The following PITPNC1 variants were observed in gnomAD, a reference collection of about 807,000 sequenced individuals.
PITPNC1 encodes cytoplasmic phosphatidylinositol transfer protein 1.
Under a neutral mutation model 44.7 loss-of-function variants are expected in PITPNC1, and 18 were observed. The observed-to-expected ratio is 0.40, with a 90% CI of 0.28 to 0.60. The LOEUF (loss-of-function observed/expected upper bound fraction) is 0.60. Among genes scored for constraint, PITPNC1 ranks in the 20% least tolerant of loss-of-function variants. The probability of loss-of-function intolerance (pLI) is 0.39; values close to 1 mark genes in which losing one functional copy is unlikely to be tolerated. For missense variants in PITPNC1, 290 were observed against 418.4 expected (o/e 0.69, Z 2.68); for synonymous variants, 141 against 149.6 (o/e 0.94, Z 0.42).
At chr17:67,555,367 C>T (rs949091522) in intron 4 of PITPNC1, among the ~76,000 whole-genome samples, 26 of 152,268 alleles carry the variant, frequency 1.7e-4, no homozygotes, top group African/African-American at 5.3e-4. Context: ...TTAGCATGGT[C>T]ATATATGCCC....
chr17:67,631,774 C>A (rs1489443542), intron 5 of PITPNC1, among the ~76,000 whole-genome samples: 1 of 148,390 alleles, frequency 6.7e-6, no homozygotes, highest in Non-Finnish European at 1.5e-5. Flanking sequence ...TTTAGCCAGA[C>A]CCTTTCCAAC....
intron 2 of PITPNC1, among the ~76,000 whole-genome samples, chr17:67,540,394 C>T (rs1598798848): frequency 1.3e-5 from 2 of 152,028 alleles, no homozygotes; most frequent in South Asian, 2.1e-4. Context: ...TGTGAGCCAT[C>T]GCACCTGGCC....
At chr17:67,642,024 A>G (rs561518366) in intron 6 of PITPNC1, among the ~76,000 whole-genome samples, 41 of 152,068 alleles carry the variant, frequency 2.7e-4, no homozygotes, top group Non-Finnish European at 4.9e-4. Context: ...ATATAACAAA[A>G]TTGCCCACAC....
chr17:67,528,520 A>G (rs1297921337), intron 1 of PITPNC1, among the ~76,000 whole-genome samples: 1 of 152,218 alleles, frequency 6.6e-6, no homozygotes, highest in African/African-American at 2.4e-5. Context: ...CCTTTATTCA[A>G]CATACAAGTT....
At chr17:67,500,955 G>T (rs565467539) in intron 1 of PITPNC1, among the ~76,000 whole-genome samples, 7 of 152,054 alleles carry the variant, frequency 4.6e-5, no homozygotes, top group African/African-American at 1.7e-4. Context: ...CTCCCAAAGT[G>T]CTGGAATTAA....
At chr17:67,559,697 G>A (rs1008239197) in intron 4 of PITPNC1, among the ~76,000 whole-genome samples, 1 of 152,106 alleles carries the variant, frequency 6.6e-6, no homozygotes, top group Non-Finnish European at 1.5e-5. Flanking sequence ...GACCAGCCTG[G>A]CCAACATGGT....
chr17:67,590,238 C>T (rs1486424815), intron 5 of PITPNC1, among the ~76,000 whole-genome samples: 4 of 151,996 alleles, frequency 2.6e-5, no homozygotes, highest in African/African-American at 7.3e-5. Flanking sequence ...AGAATTAAAA[C>T]GAAATAAATG....
intron 7 of PITPNC1, among the ~76,000 whole-genome samples, chr17:67,671,878 G>A (rs2042519574): frequency 6.6e-6 from 1 of 152,036 alleles, no homozygotes; most frequent in Non-Finnish European, 1.5e-5. Context: ...TTTTGTGTGT[G>A]GCTTTTTAAG....
chr17:67,646,756 A>G (rs2042154448), intron 6 of PITPNC1, among the ~76,000 whole-genome samples: 1 of 152,086 alleles, frequency 6.6e-6, no homozygotes, highest in Non-Finnish European at 1.5e-5. Flanking sequence ...TCTCAAACTC[A>G]TGGGCTCAAG....
intron 5 of PITPNC1, among the ~76,000 whole-genome samples, chr17:67,610,740 G>C (rs540645243): frequency 3.3e-5 from 5 of 152,244 alleles, no homozygotes; most frequent in African/African-American, 1.2e-4. Flanking sequence ...GGCCAACATG[G>C]TGAAACCCTA....
Position 67,513,228 on chromosome 17 carries a change from G to T in PITPNC1, c.49-19574G>T, listed in dbSNP as rs190045271. On this transcript the variant is annotated intron_variant, in intron 1 of 8. Coordinates refer to ENST00000581322, the MANE Select transcript of PITPNC1 (RefSeq NM_012417.4). ...AAAATACAAAAATTAGCCAGGCATGGCGGCGGGCGACTGTAATCCCAGCTA... is the reference window on the plus strand; with the variant it reads ...AAAATACAAAAATTAGCCAGGCATGTCGGCGGGCGACTGTAATCCCAGCTA... Among the ~76,000 whole-genome samples, 1,306 of 151,758 alleles carry T rather than the reference G, an allele frequency of 8.6e-3. 9 individuals are homozygous for T. Among genetic ancestry groups the T allele is most frequent in the Middle Eastern group, 0.041 (12 of 292 alleles).
At chr17:67,526,590 G>T (rs1229241693) in intron 1 of PITPNC1, among the ~76,000 whole-genome samples, 1 of 152,126 alleles carries the variant, frequency 6.6e-6, no homozygotes, top group Non-Finnish European at 1.5e-5. Context: ...AACTTAGCCA[G>T]GCATGGTGGT....
chr17:67,412,278 A>T (rs1232471415), intron 1 of PITPNC1, among the ~76,000 whole-genome samples: 1 of 152,114 alleles, frequency 6.6e-6, no homozygotes, highest in Non-Finnish European at 1.5e-5. Context: ...TGTGCTGAGG[A>T]TGGGGTAATT....
At chr17:67,668,352 C>T (rs1218750607) in intron 6 of PITPNC1, among the ~76,000 whole-genome samples, 4 of 152,136 alleles carry the variant, frequency 2.6e-5, no homozygotes, top group Non-Finnish European at 5.9e-5. Flanking sequence ...CCATTGTGCA[C>T]CTAGACCACA....
At chr17:67,382,338 GGT>G (rs112100189) in intron 1 of PITPNC1, among the ~76,000 whole-genome samples, 39,176 of 145,820 alleles carry the variant, frequency 0.27, 5,359 homozygotes, top group African/African-American at 0.35. Context: ...GGGGTTTTTT[GGT>G]GTGTGTGTGT....
intron 5 of PITPNC1, among the ~76,000 whole-genome samples, chr17:67,606,039 C>T (rs2041603381): frequency 6.6e-6 from 1 of 152,168 alleles, no homozygotes; most frequent in African/African-American, 2.4e-5. Context: ...CCACACTCCA[C>T]CTCAGCTGCT....
chr17:67,672,715 T>C (rs968190693), intron 7 of PITPNC1, among the ~76,000 whole-genome samples: 1 of 152,104 alleles, frequency 6.6e-6, no homozygotes, highest in Non-Finnish European at 1.5e-5. Flanking sequence ...AGAATCTGTT[T>C]CCTGAAAATA....
chr17:67,533,212 C>G (rs924423424), intron 2 of PITPNC1, among the ~76,000 whole-genome samples: 1 of 152,080 alleles, frequency 6.6e-6, no homozygotes, highest in Non-Finnish European at 1.5e-5. Flanking sequence ...GTGAGCTATA[C>G]TCACAGTACT....
chr17:67,468,490 CT>C (rs1235009142), intron 1 of PITPNC1, among the ~76,000 whole-genome samples: 1 of 150,694 alleles, frequency 6.6e-6, no homozygotes, highest in Non-Finnish European at 1.5e-5. Flanking sequence ...CAAGCTCTGC[CT>C]CCCAGGTTCT....
Sources: gnomAD v4.1 joint callset for allele counts (sites outside exome capture counted in the v4.1 genomes callset) on GRCh38, gnomAD v4.1.1 for gene constraint, MANE v1.5 for transcripts, NCBI Gene and HGNC (gene_info 2026-07-23, HGNC 2026-07-21) for gene names.